The following KIRREL1 variants were observed in gnomAD, a reference collection of about 807,000 sequenced individuals.
KIRREL1 encodes the protein kirre like nephrin family adhesion molecule 1.
A neutral mutation model predicts 83.3 loss-of-function variants in KIRREL1; 25 were observed. That is an observed-to-expected ratio of 0.30 (90% CI 0.22 to 0.42). The LOEUF is 0.42. Among genes scored for constraint, KIRREL1 ranks in the 10% least tolerant of loss-of-function variants. KIRREL1 has a pLI of 1.00. For synonymous variants in KIRREL1, 388 were observed against 410.4 expected (o/e 0.95, Z 0.66); for missense variants, 812 against 1,032.3 (o/e 0.79, Z 2.92).
intron 1 of KIRREL1, among the ~76,000 whole-genome samples, chr1:158,057,210 A>T (rs1661089967): frequency 6.6e-6 from 1 of 151,870 alleles, no homozygotes; most frequent in African/African-American, 2.4e-5. Context: ...TGACACCTCC[A>T]CTCAGCTTTA....
chr1:157,999,462 G>A (rs1468101531), intron 1 of KIRREL1, among the ~76,000 whole-genome samples: 1 of 152,188 alleles, frequency 6.6e-6, no homozygotes, highest in African/African-American at 2.4e-5. Flanking sequence ...TAATAGATGA[G>A]AAAACAGAGA....
Position 158,084,479 on chromosome 1 carries a change from C to T in KIRREL1, c.410C>T (p.Thr137Ile), listed in dbSNP as rs962225652. The stretch of plus-strand genomic sequence containing the variant: ...CCTGTGATTCTACTGCAGGCAGGCA[C>T]CCCCCACAACCTCACATGCCGGGCC... ...GGPVILLQAGTPHNLTCRAFN... is the reference protein window; with the variant it reads ...GGPVILLQAGIPHNLTCRAFN... Residue 137 changes from threonine (T) to isoleucine (I), a missense_variant, in exon 4 of 15, where the codon ACC becomes ATC. Around this residue, in one of 3 missense-constraint regions of KIRREL1, gnomAD observed 472 missense variants for 626.8 expected, o/e 0.75. Transcript: ENST00000359209. The T allele has an allele frequency of 6.4e-6, 10 of 1,551,648 alleles. No individual in the cohort carries two copies. The highest frequency in any genetic ancestry group is 7.0e-6 in the Non-Finnish European group (8 of 1,146,928).
At chr1:158,039,333 T>C (rs1191669952) in intron 1 of KIRREL1, among the ~76,000 whole-genome samples, 1 of 152,270 alleles carries the variant, frequency 6.6e-6, no homozygotes, top group African/African-American at 2.4e-5. Flanking sequence ...TGTCCTCATT[T>C]TATTTTTCTG....
rs1369298387 is a variant in KIRREL1 at position 158,096,133 on chromosome 1, G to C, written c.*1013G>C. The C allele has an allele frequency of 6.3e-6, 1 of 159,188 alleles. No homozygotes were observed. Among genetic ancestry groups the C allele is most frequent in the East Asian group, 1.8e-4 (1 of 5,500 alleles). The allele number at this position is 159,188 out of a possible 1,614,324, so 9.9% of individuals were successfully genotyped here. ...ACCCAAATACAAGTCCCAGTGGAAA[G>C]GAAAGGTAGTACCTATTCTTCTCCA... On this transcript the variant is annotated 3_prime_UTR_variant, in exon 15 of 15. Transcript: ENST00000359209.
intron 10 of KIRREL1, 39 bp downstream of exon 10, chr1:158,089,857 T>C: frequency 1.3e-6 from 2 of 1,570,650 alleles, no homozygotes; most frequent in Non-Finnish European, 1.8e-6. Flanking sequence ...CAGCCCTCCC[T>C]GCTTCTTTGC....
chr1:157,995,772 C>A (rs1194992289), intron 1 of KIRREL1, among the ~76,000 whole-genome samples: 1 of 151,732 alleles, frequency 6.6e-6, no homozygotes, highest in Non-Finnish European at 1.5e-5. Flanking sequence ...GGGGTGAAAG[C>A]AGGACCTGGT....
At chr1:158,022,929 G>A (rs1484127873) in intron 1 of KIRREL1, among the ~76,000 whole-genome samples, 3 of 152,192 alleles carry the variant, frequency 2.0e-5, no homozygotes, top group African/African-American at 7.2e-5. Flanking sequence ...GAGAGACCTG[G>A]GGTTAGGTCC....
At chr1:158,012,120 G>C (rs568107310) in intron 1 of KIRREL1, among the ~76,000 whole-genome samples, 10 of 152,116 alleles carry the variant, frequency 6.6e-5, no homozygotes, top group Admixed American at 6.5e-4. Flanking sequence ...AAAATGTAGA[G>C]CTTGAGGGTA....
intron 1 of KIRREL1, among the ~76,000 whole-genome samples, chr1:158,040,685 A>G (rs1417559658): frequency 6.6e-6 from 1 of 152,206 alleles, no homozygotes; most frequent in Middle Eastern, 3.2e-3. Flanking sequence ...GGAGGGGAAA[A>G]ACATTTCAGA....
intron 1 of KIRREL1, among the ~76,000 whole-genome samples, chr1:158,001,661 G>A (rs1659364422): frequency 6.6e-6 from 1 of 152,194 alleles, no homozygotes; most frequent in African/African-American, 2.4e-5. Context: ...GATGTGGCAG[G>A]AAGAGGGAGA....
At position 158,094,239 on chromosome 1, in the gene KIRREL1, G is replaced by A. The variant is rs888745091; in HGVS notation, c.1720-74G>A. ...ACCCATGAGCAGGTGGCCTCTGAGC[G>A]TGGGGAGGGGTTGGTGAGGGGCGAA... On this transcript the variant is annotated intron_variant, in intron 13 of 14. Coordinates refer to ENST00000359209, the MANE Select transcript of KIRREL1 (RefSeq NM_018240.7). The surrounding 1 kb of genome is among the most constrained non-coding windows in gnomAD (Gnocchi z 4.6). 3.4e-5 allele frequency: 45 copies of A among 1,306,066 alleles called. No individual in the cohort carries two copies. Among genetic ancestry groups the A allele is most frequent in the East Asian group, 2.2e-4 (9 of 40,362 alleles). The allele number at this position is 1,306,066 out of a possible 1,614,324, so 80.9% of individuals were successfully genotyped here. A position where few individuals can be genotyped will look rare whatever the true frequency, so the allele number is the denominator to read the frequency against.
Position 158,076,260 on chromosome 1 carries a change from A to G in KIRREL1, c.200A>G (p.Lys67Arg). ...GCCCTGGGCATGGGCCAGGGCCTCAAAGGTGAGTGCCTGGCTACCCAACGT... is the reference window on the plus strand; with the variant it reads ...GCCCTGGGCATGGGCCAGGGCCTCAGAGGTGAGTGCCTGGCTACCCAACGT... Reference protein sequence around the residue: ...GLALGMGQGLKAWPRYRVVGS... With the variant: ...GLALGMGQGLRAWPRYRVVGS... Residue 67 changes from lysine (K) to arginine (R), a missense_variant and splice_region_variant, in exon 2 of 15, where the codon AAA becomes AGA. Physicochemically the swap from Lys to Arg is conservative, Grantham distance 26. Transcript: ENST00000359209. The G allele has an allele frequency of 1.2e-6, 2 of 1,613,624 alleles. No homozygotes were observed. Among genetic ancestry groups the G allele is most frequent in the Non-Finnish European group, 1.7e-6 (2 of 1,179,650 alleles).
chr1:158,085,472 C>CTTAA (rs1661987569), intron 4 of KIRREL1, among the ~76,000 whole-genome samples: 3 of 152,330 alleles, frequency 2.0e-5, no homozygotes, highest in Middle Eastern at 6.8e-3. Context: ...CTCAGTGGTA[C>CTTAA]TTAACCTTTT....
At chr1:158,069,335 TGTGTGTGTGA>T (rs912046743) in intron 1 of KIRREL1, among the ~76,000 whole-genome samples, 19 of 151,678 alleles carry the variant, frequency 1.3e-4, no homozygotes, top group African/African-American at 2.4e-4. Context: ...TGTGTGTGTG[TGTGTGTGTGA>T]ATCTAAGCAT....
chr1:158,079,428 T>G (rs1175658498), intron 3 of KIRREL1, among the ~76,000 whole-genome samples: 1 of 152,260 alleles, frequency 6.6e-6, no homozygotes, highest in East Asian at 1.9e-4. Flanking sequence ...CAAGGGATTC[T>G]TGTGCCTAAG....
In KIRREL1 at chr1:158,004,537, G is replaced by A. The variant is rs12030208; in HGVS notation, c.52+10809G>A. On this transcript the variant is annotated intron_variant, in intron 1 of 14. Transcript: ENST00000359209. ...AACTGAATGCTGTTTTGCCCTTTAT[G>A]AGTCTCAGTTTCCTTATCTGTAAAA... Among the ~76,000 whole-genome samples, 238 of 152,252 alleles carry A rather than the reference G, an allele frequency of 1.6e-3. 4 individuals carry two copies. In the East Asian group the frequency reaches 0.041, roughly 26 times the overall value.
At chr1:158,028,143 G>T (rs376894001) in intron 1 of KIRREL1, among the ~76,000 whole-genome samples, 1 of 152,136 alleles carries the variant, frequency 6.6e-6, no homozygotes, top group Non-Finnish European at 1.5e-5. Flanking sequence ...TGTCTCTGCC[G>T]GAATGCCGTC....
intron 1 of KIRREL1, among the ~76,000 whole-genome samples, chr1:158,020,765 C>G (rs934343517): frequency 6.6e-6 from 1 of 152,136 alleles, no homozygotes. Flanking sequence ...AGAATGCAAA[C>G]AGTTTTTAAA....
rs1335353273 is a variant in KIRREL1, at chr1:158,017,331, TC to T, written c.52+23605del. On this transcript the variant is annotated intron_variant, in intron 1 of 14. Transcript: ENST00000359209. ...CTCTCCTACCCTCTTTACCTTTCCC[TC>T]CTTTTTAAGATCCTTCTTTTCCTTT... Among the ~76,000 whole-genome samples, 22 of 152,186 alleles carry T rather than the reference TC, an allele frequency of 1.4e-4. No individual in the cohort carries two copies. The South Asian group carries it at 3.7e-3, about 26-fold the overall frequency.
Sources: gnomAD v4.1 joint callset for allele counts (sites outside exome capture counted in the v4.1 genomes callset) on GRCh38, gnomAD v4.1.1 for gene constraint, gnomAD v4.1.1 regional missense constraint, Gnocchi (gnomAD v3.1) non-coding constraint, MANE v1.5 for transcripts, NCBI Gene and HGNC (gene_info 2026-07-23, HGNC 2026-07-21) for gene names.